Variants in MAD1L1 observed in about 807,000 individuals in gnomAD.
The protein encoded by MAD1L1 is mitotic spindle assembly checkpoint protein MAD1.
MAD1L1 carries 95 observed loss-of-function variants against 96.9 expected under a neutral mutation model. The observed-to-expected ratio is 0.98, with a 90% CI of 0.83 to 1.16. The LOEUF (loss-of-function observed/expected upper bound fraction) is 1.16. MAD1L1 is among the 50% of genes most tolerant of loss of function. The probability of loss-of-function intolerance (pLI) is 0.00; values close to 1 mark genes in which losing one functional copy is unlikely to be tolerated. For missense variants in MAD1L1, 1,007 were observed against 954.4 expected, an observed-to-expected ratio of 1.06 and a Z score of -0.73; for synonymous variants, 473 against 396.6, an observed-to-expected ratio of 1.19 and a Z score of -2.29.
chr7:2,161,359 G>A (rs1035213755), intron 10 of MAD1L1, among the ~76,000 whole-genome samples: 28 of 152,018 alleles, frequency 1.8e-4, no homozygotes, highest in African/African-American at 5.3e-4. Flanking sequence ...TGCCAGCCTC[G>A]GCCTCCCGCG....
Position 1,957,737 on chromosome 7 carries a change from C to T in MAD1L1, c.1506-18G>A, listed in dbSNP as rs745876166. On this transcript the variant is annotated intron_variant, in intron 15 of 18. Transcript: ENST00000265854. ...CCTTCAACCTGCAAGGACAGCAAGA[C>T]GGTGACCAGGTGTCCGAGGCCAGCC... The T allele has an allele frequency of 2.0e-5, 33 of 1,613,376 alleles. No homozygotes were observed. The highest frequency in any genetic ancestry group is 6.7e-5 in the African/African-American group (5 of 74,928).
Position 2,029,229 on chromosome 7 carries a change from G to A in MAD1L1, c.1219-14587C>T, listed in dbSNP as rs546673519. Among the ~76,000 whole-genome samples, 14 of 152,250 alleles carry A rather than the reference G, an allele frequency of 9.2e-5. No individual in the cohort carries two copies. The South Asian group carries it at 2.3e-3, about 25-fold the overall frequency. ...AGCCAAGAAATAAAGAAATTCAAAC[G>A]CCCATTCACAGAAAATTTTAAAAAT... On this transcript the variant is annotated intron_variant, in intron 12 of 18. Coordinates refer to ENST00000265854, the MANE Select transcript of MAD1L1 (RefSeq NM_001013836.2).
chr7:2,007,919 G>A (rs1222146492), intron 13 of MAD1L1, among the ~76,000 whole-genome samples: 1 of 152,218 alleles, frequency 6.6e-6, no homozygotes, highest in Non-Finnish European at 1.5e-5. Flanking sequence ...CTGATACAAC[G>A]TTGATGGGTC....
At position 2,091,709 on chromosome 7, in the gene MAD1L1, G is replaced by A. The variant is rs11980324; in HGVS notation, c.1074-22371C>T. ...AAGAATGGCGTGAACCCAGGAGGCG[G>A]AGCTTGCAGTGAGCAGAGATCACGC... On this transcript the variant is annotated intron_variant, in intron 11 of 18. Coordinates refer to ENST00000265854, the MANE Select transcript of MAD1L1 (RefSeq NM_001013836.2). Among the ~76,000 whole-genome samples the A allele has an allele frequency of 7.1e-3, 1,071 of 151,694 alleles. 18 individuals are homozygous for A. Among genetic ancestry groups the A allele is most frequent in the African/African-American group, 0.025 (1,021 of 41,336 alleles).
intron 11 of MAD1L1, among the ~76,000 whole-genome samples, chr7:2,105,301 A>G (rs1331350035): frequency 6.6e-6 from 1 of 152,158 alleles, no homozygotes; most frequent in Non-Finnish European, 1.5e-5. Context: ...CAAAGCCAGC[A>G]GCGAGGTGGA....
chr7:1,989,606 G>A lies in MAD1L1; in HGVS notation c.1417-9065C>T, dbSNP rs76611210. Among the ~76,000 whole-genome samples the A allele has an allele frequency of 5.9e-5, 9 of 152,342 alleles. 1 individual carries two copies. In the East Asian group the frequency reaches 9.7e-4, roughly 16 times the overall value. On this transcript the variant is annotated intron_variant, in intron 14 of 18. Transcript: ENST00000265854. The stretch of plus-strand genomic sequence containing the variant: ...GGGACCCTGGGAGAGCAGCCTGAGC[G>A]CGAGCACAGACGTCCCGGCAGCGCT...
At chr7:2,172,866 C>T (rs1279058548) in intron 10 of MAD1L1, among the ~76,000 whole-genome samples, 1 of 152,222 alleles carries the variant, frequency 6.6e-6, no homozygotes, top group Non-Finnish European at 1.5e-5. Flanking sequence ...GAGGCTGCCC[C>T]ATCAGATGGC....
chr7:1,934,936 C>T (rs1415506957), intron 17 of MAD1L1, among the ~76,000 whole-genome samples: 2 of 150,730 alleles, frequency 1.3e-5, no homozygotes, highest in Non-Finnish European at 3.0e-5. Context: ...CGGGTGAACC[C>T]GAGACGGGCA....
At chr7:2,099,068 C>T (rs1786644563) in intron 11 of MAD1L1, among the ~76,000 whole-genome samples, 1 of 152,220 alleles carries the variant, frequency 6.6e-6, no homozygotes, top group Non-Finnish European at 1.5e-5. Flanking sequence ...GTGACAGAAA[C>T]ACAAGTGACC....
intron 11 of MAD1L1, among the ~76,000 whole-genome samples, chr7:2,083,586 G>A (rs1195795264): frequency 6.6e-6 from 1 of 152,234 alleles, no homozygotes; most frequent in Non-Finnish European, 1.5e-5. Context: ...AGGGCGGGCT[G>A]TCGGGAGACT....
intron 11 of MAD1L1, among the ~76,000 whole-genome samples, chr7:2,122,016 G>A (rs970028198): frequency 6.6e-6 from 1 of 152,232 alleles, no homozygotes; most frequent in Admixed American, 6.5e-5. Context: ...CTTCTGGGGT[G>A]GGGAGGGGGA....
chr7:2,107,062 G>A (rs2128554101), intron 11 of MAD1L1, among the ~76,000 whole-genome samples: 1 of 152,348 alleles, frequency 6.6e-6, no homozygotes, highest in Middle Eastern at 3.4e-3. Context: ...CCCACATACA[G>A]CATCACTCAG....
At chr7:1,997,520 C>G (rs942771687) in intron 14 of MAD1L1, among the ~76,000 whole-genome samples, 2 of 152,264 alleles carry the variant, frequency 1.3e-5, no homozygotes, top group Non-Finnish European at 2.9e-5. Flanking sequence ...CATCCCAGCT[C>G]AGGGCGAGCT....
intron 10 of MAD1L1, among the ~76,000 whole-genome samples, chr7:2,149,782 T>C (rs919670433): frequency 3.9e-5 from 6 of 152,194 alleles, no homozygotes; most frequent in African/African-American, 1.4e-4. Flanking sequence ...AAACAGCCGC[T>C]TCAAAGTTCA....
In MAD1L1 at chr7:2,130,352, G is replaced by A. The variant is rs1028837272; in HGVS notation, c.1073+18800C>T. On this transcript the variant is annotated intron_variant, in intron 11 of 18. Coordinates refer to ENST00000265854, the MANE Select transcript of MAD1L1 (RefSeq NM_001013836.2). ...TCCCCAAGCCCAGAGCTCTCTCCACGCCATTACAGCCCCCAACTCCCAGGA... is the reference window on the plus strand; with the variant it reads ...TCCCCAAGCCCAGAGCTCTCTCCACACCATTACAGCCCCCAACTCCCAGGA... 3.3e-5 allele frequency among the ~76,000 whole-genome samples: 5 copies of A among 152,266 alleles called. No homozygotes were observed. In the East Asian group the frequency reaches 5.8e-4, roughly 18 times the overall value.
In MAD1L1 at chr7:1,893,600, G is replaced by A. The variant is rs141780071; in HGVS notation, c.1998+4600C>T. Among the ~76,000 whole-genome samples, 41 of 152,182 alleles carry A rather than the reference G, an allele frequency of 2.7e-4. No homozygotes were observed. The East Asian group carries it at 7.4e-3, about 27-fold the overall frequency. On this transcript the variant is annotated intron_variant, in intron 18 of 18. Transcript: ENST00000265854. ...CCTCCCACACTGGCCTCTGCCCTCCGTGGCCCTATCTCAGGAGGGTAGCTC... is the reference window on the plus strand; with the variant it reads ...CCTCCCACACTGGCCTCTGCCCTCCATGGCCCTATCTCAGGAGGGTAGCTC...
At chr7:1,966,157 A>T (rs926199691) in intron 15 of MAD1L1, among the ~76,000 whole-genome samples, 2 of 152,232 alleles carry the variant, frequency 1.3e-5, no homozygotes, top group African/African-American at 4.8e-5. Context: ...TCACAACCTG[A>T]ACTGGGATGG....
At chr7:1,973,955 C>T (rs1304254543) in intron 15 of MAD1L1, among the ~76,000 whole-genome samples, 1 of 152,226 alleles carries the variant, frequency 6.6e-6, no homozygotes, top group East Asian at 1.9e-4. Flanking sequence ...GAGACGCGCT[C>T]CCCGAGGGGC....
intron 16 of MAD1L1, among the ~76,000 whole-genome samples, chr7:1,948,303 A>C (rs1309079124): frequency 6.6e-6 from 1 of 152,062 alleles, no homozygotes; most frequent in Non-Finnish European, 1.5e-5. Context: ...GGCCCCAGCA[A>C]ACGCCCCCCA....
Sources: allele counts gnomAD v4.1 joint callset (sites outside exome capture counted in the v4.1 genomes callset), GRCh38; gene constraint gnomAD v4.1.1; transcripts MANE v1.5; gene names NCBI Gene and HGNC (gene_info 2026-07-23, HGNC 2026-07-21).